The following SLC15A2 variants were observed in gnomAD, a reference collection of about 807,000 sequenced individuals.
SLC15A2 encodes solute carrier family 15 member 2.
SLC15A2 carries 77 observed loss-of-function variants against 95.5 expected under a neutral mutation model. That is an observed-to-expected ratio of 0.81 (90% CI 0.67 to 0.97). SLC15A2 has a LOEUF of 0.97. SLC15A2 is among the 50% of genes least tolerant of loss of function. SLC15A2 has a pLI of 0.00. For missense variants in SLC15A2, 893 were observed against 874.4 expected, an observed-to-expected ratio of 1.02 and a Z score of -0.27; for synonymous variants, 306 against 306.9, an observed-to-expected ratio of 1.00 and a Z score of 0.03.
chr3:121,907,812 G>A (rs185510110), intron 3 of SLC15A2, among the ~76,000 whole-genome samples: 11 of 152,332 alleles, frequency 7.2e-5, no homozygotes, highest in Admixed American at 3.3e-4. Flanking sequence ...GGTGTCTCCC[G>A]GTTAGGCTAC....
Position 121,935,929 on chromosome 3 carries a change from G to A in SLC15A2, c.1762-3420G>A, listed in dbSNP as rs575891950. On this transcript the variant is annotated intron_variant, in intron 19 of 21. Coordinates refer to ENST00000489711, the MANE Select transcript of SLC15A2 (RefSeq NM_021082.4). ...TGCTATAAATTTCCTTCTACACACT[G>A]CTTTGAATGTGTCCCAGAGATTCTG... Among the ~76,000 whole-genome samples, 751 of 152,110 alleles carry A rather than the reference G, an allele frequency of 4.9e-3. 8 individuals carry two copies. Among genetic ancestry groups the A allele is most frequent in the African/African-American group, 0.017 (697 of 41,470 alleles).
chr3:121,925,241 G>A (rs1223182271), intron 13 of SLC15A2, among the ~76,000 whole-genome samples: 2 of 138,770 alleles, frequency 1.4e-5, no homozygotes, highest in Admixed American at 1.4e-4. Flanking sequence ...AGCCATTACT[G>A]TGGACTTAAC....
At position 121,939,491 on chromosome 3, in the gene SLC15A2, C is replaced by T. The variant is rs1253840592; in HGVS notation, c.1904C>T (p.Ser635Phe). ...FSVTGLEFSYSQAPSSMKSVL... is the reference protein window; with the variant it reads ...FSVTGLEFSYFQAPSSMKSVL... ...GTCACAGGTCTTGAGTTTTCTTATTCTCAGGTAAGTTTTTGCAAATAGAAG... is the reference window on the plus strand; with the variant it reads ...GTCACAGGTCTTGAGTTTTCTTATTTTCAGGTAAGTTTTTGCAAATAGAAG... The change falls in exon 20 of 22, where the codon TCT becomes TTT. Residue 635 changes from serine (S) to phenylalanine (F), a missense_variant. Physicochemically the swap from Ser to Phe is radical, Grantham distance 155 (BLOSUM62 -2). Transcript: ENST00000489711. The T allele has an allele frequency of 1.3e-6, 2 of 1,497,634 alleles. No homozygotes were observed. Among genetic ancestry groups the T allele is most frequent in the South Asian group, 1.4e-5 (1 of 73,212 alleles). The allele number at this position is 1,497,634 out of a possible 1,614,324, so 92.8% of individuals were successfully genotyped here.
At chr3:121,932,761 T>A (rs1266213216) in intron 19 of SLC15A2, among the ~76,000 whole-genome samples, 1 of 152,072 alleles carries the variant, frequency 6.6e-6, no homozygotes, top group Non-Finnish European at 1.5e-5. Context: ...TGGTGTGCCA[T>A]TTTTTTTCTA....
chr3:121,914,872 A>C (rs1199449845), intron 5 of SLC15A2: 20 of 442,720 alleles, frequency 4.5e-5, no homozygotes, highest in Non-Finnish European at 6.0e-5. Flanking sequence ...AAAAAAAAAA[A>C]AAACCACAAA....
intron 3 of SLC15A2, among the ~76,000 whole-genome samples, chr3:121,903,753 G>A (rs1397798117): frequency 6.6e-5 from 10 of 152,110 alleles, no homozygotes; most frequent in South Asian, 4.1e-4. Flanking sequence ...GGTTACTGTC[G>A]CCTTGTAGTA....
At chr3:121,923,309 A>C in intron 11 of SLC15A2, 43 bp downstream of exon 11, 1 of 1,570,054 alleles carries the variant, frequency 6.4e-7, no homozygotes, top group Non-Finnish European at 8.7e-7. Flanking sequence ...TATTTTCTTC[A>C]TCATCCATAT....
At chr3:121,911,779 A>G (rs1275199515) in intron 4 of SLC15A2, 113 bp downstream of exon 4, 1 of 732,018 alleles carries the variant, frequency 1.4e-6, no homozygotes, top group Non-Finnish European at 2.3e-6. Context: ...GTTTACTACA[A>G]AACTGGTTAA....
At chr3:121,924,221 G>T in intron 11 of SLC15A2, 130 bp from the exon 12 acceptor site, 1 of 752,808 alleles carries the variant, frequency 1.3e-6, no homozygotes, top group South Asian at 1.6e-5. Flanking sequence ...TAGTGGCCCT[G>T]AACCAAAGAC....
In SLC15A2 at chr3:121,902,388, C is replaced by A. The variant is rs144516132; in HGVS notation, c.335+4859C>A. ...TTTATTTTTTATTATACTTTAAGTT[C>A]TAGGGTACACGTGCACAACGTGCAG... On this transcript the variant is annotated intron_variant, in intron 3 of 21. Transcript: ENST00000489711. Among the ~76,000 whole-genome samples the A allele has an allele frequency of 3.1e-3, 471 of 151,732 alleles. 3 individuals carry two copies. The highest frequency in any genetic ancestry group is 0.011 in the African/African-American group (449 of 41,370).
chr3:121,936,279 GT>G (rs1437374766), intron 19 of SLC15A2, among the ~76,000 whole-genome samples: 1 of 152,146 alleles, frequency 6.6e-6, no homozygotes, highest in Non-Finnish European at 1.5e-5. Flanking sequence ...TGTCTATTAG[GT>G]CTGCTTGGTG....
intron 11 of SLC15A2, 46 bp downstream of exon 11, chr3:121,923,312 A>G: frequency 2.6e-6 from 4 of 1,563,388 alleles, no homozygotes; most frequent in Non-Finnish European, 3.5e-6. Flanking sequence ...TTTCTTCATC[A>G]TCCATATTGG....
intron 13 of SLC15A2, among the ~76,000 whole-genome samples, chr3:121,927,224 A>G (rs1559851052): frequency 2.0e-5 from 3 of 152,248 alleles, no homozygotes; most frequent in Admixed American, 1.3e-4. Context: ...TGAGAAGGAC[A>G]TGAGATTTTT....
chr3:121,895,963 A>T (rs1047233374), intron 1 of SLC15A2, among the ~76,000 whole-genome samples: 7 of 152,206 alleles, frequency 4.6e-5, no homozygotes, highest in African/African-American at 1.7e-4. Context: ...CATGGCAAAC[A>T]GAACAGCTGG....
At chr3:121,914,167 G>T (rs566775979) in intron 5 of SLC15A2, among the ~76,000 whole-genome samples, 35 of 152,278 alleles carry the variant, frequency 2.3e-4, no homozygotes, top group South Asian at 1.7e-3. Context: ...TGGCAAGTGG[G>T]ATCCTGTGTA....
chr3:121,939,470 C>A lies in SLC15A2; in HGVS notation c.1883C>A (p.Thr628Lys). The A allele has an allele frequency of 6.6e-7, 1 of 1,517,820 alleles. No individual in the cohort carries two copies. Among genetic ancestry groups the A allele is most frequent in the Non-Finnish European group, 8.8e-7 (1 of 1,134,332 alleles). 94.0% of individuals were successfully genotyped at this position (1,517,820 alleles called of 1,614,324 possible). A position where few individuals can be genotyped will look rare whatever the true frequency, so the allele number is the denominator to read the frequency against. Residue 628 changes from threonine to lysine, a missense_variant, in exon 20 of 22, where the codon ACA becomes AAA. By Grantham distance (78) the Thr-to-Lys change is moderately conservative. Transcript: ENST00000489711. ...GCTGGGGAGGTCATGTTCTCTGTCACAGGTCTTGAGTTTTCTTATTCTCAG... is the reference window on the plus strand; with the variant it reads ...GCTGGGGAGGTCATGTTCTCTGTCAAAGGTCTTGAGTTTTCTTATTCTCAG... ...VTAGEVMFSV[T>K]GLEFSYSQAP...
rs548557640 is a variant in SLC15A2, at chr3:121,902,705, T to A, written c.335+5176T>A. Among the ~76,000 whole-genome samples the A allele has an allele frequency of 1.1e-4, 17 of 152,340 alleles. No homozygotes were observed. The South Asian group carries it at 3.3e-3, about 30-fold the overall frequency. ...GACATGAACTCATCCTTTTTTATGG[T>A]TGCATAGTATTCCATGGTGTATATG... On this transcript the variant is annotated intron_variant, in intron 3 of 21. Transcript: ENST00000489711.
Position 121,913,961 on chromosome 3 carries a change from C to T in SLC15A2, c.528+841C>T, listed in dbSNP as rs184551807. On this transcript the variant is annotated intron_variant, in intron 5 of 21. Coordinates refer to ENST00000489711, the MANE Select transcript of SLC15A2 (RefSeq NM_021082.4). The stretch of plus-strand genomic sequence containing the variant: ...TCTCTCTCCCCCCCACCTCCCGCCA[C>T]TCTCTCTCTCTCTCTTTCCTCTTCC... 4.7e-3 allele frequency among the ~76,000 whole-genome samples: 703 copies of T among 148,920 alleles called. 7 individuals are homozygous for T. The highest frequency in any genetic ancestry group is 0.016 in the African/African-American group (654 of 40,838).
chr3:121,939,729 G>A (rs542923735), intron 20 of SLC15A2, among the ~76,000 whole-genome samples: 3 of 152,116 alleles, frequency 2.0e-5, no homozygotes, highest in Non-Finnish European at 4.4e-5. Flanking sequence ...ATGAAGAGCT[G>A]CAGAGTCAGA....
Sources: allele counts gnomAD v4.1 joint callset (sites outside exome capture counted in the v4.1 genomes callset), GRCh38; gene constraint gnomAD v4.1.1; transcripts MANE v1.5; gene names NCBI Gene and HGNC (gene_info 2026-07-23, HGNC 2026-07-21).